The following HDAC9 variants were observed in gnomAD, a reference collection of about 807,000 sequenced individuals.
The protein encoded by HDAC9 is histone deacetylase 9, also known as MEF-2 interacting transcription repressor (MITR) protein.
In HDAC9, 41 loss-of-function variants were observed where a neutral mutation model predicts 139.4. That is an observed-to-expected ratio of 0.29 (90% CI 0.23 to 0.38). The LOEUF is 0.38. HDAC9 is among the 10% of genes least tolerant of loss of function. The probability of loss-of-function intolerance (pLI) is 1.00; values close to 1 mark genes in which losing one functional copy is unlikely to be tolerated. For missense variants in HDAC9, 1,147 were observed against 1,297.0 expected, an observed-to-expected ratio of 0.88 and a Z score of 1.78; for synonymous variants, 517 against 476.2, an observed-to-expected ratio of 1.09 and a Z score of -1.12.
intron 13 of HDAC9, among the ~76,000 whole-genome samples, chr7:18,745,821 C>T (rs1584961730): frequency 6.6e-6 from 1 of 151,084 alleles, no homozygotes; most frequent in Non-Finnish European, 1.5e-5. Flanking sequence ...GCTGGGATTA[C>T]AGGCGTGAGC....
intron 1 of HDAC9, among the ~76,000 whole-genome samples, chr7:18,126,684 T>G (rs1277458583): frequency 6.6e-6 from 1 of 152,184 alleles, no homozygotes; most frequent in African/African-American, 2.4e-5. Flanking sequence ...ATTTTTCAAT[T>G]TAGTTTATTG....
chr7:18,131,358 G>A (rs1206305452), intron 1 of HDAC9, among the ~76,000 whole-genome samples: 1 of 152,212 alleles, frequency 6.6e-6, no homozygotes, highest in South Asian at 2.1e-4. Flanking sequence ...TGGTTGTTGG[G>A]TAGATATCTG....
chr7:18,127,448 T>A, intron 1 of HDAC9: 1 of 168,688 alleles, frequency 5.9e-6, no homozygotes. Flanking sequence ...TCTGCTTCCC[T>A]GCTCCCTCTG....
At chr7:18,579,274 T>C (rs977269418) in intron 2 of HDAC9, among the ~76,000 whole-genome samples, 7 of 152,214 alleles carry the variant, frequency 4.6e-5, no homozygotes, top group Non-Finnish European at 8.8e-5. Context: ...TGAAATTTTG[T>C]ATAAGGGGTT....
At chr7:18,970,769 G>A (rs1784194394) in intron 24 of HDAC9, among the ~76,000 whole-genome samples, 1 of 151,878 alleles carries the variant, frequency 6.6e-6, no homozygotes, top group Admixed American at 6.6e-5. Flanking sequence ...AGAACCCGGT[G>A]TGTAAAGATG....
At chr7:18,524,752 T>C (rs1252534622) in intron 2 of HDAC9, among the ~76,000 whole-genome samples, 1 of 151,962 alleles carries the variant, frequency 6.6e-6, no homozygotes, top group East Asian at 1.9e-4. Context: ...ATATGAGTTA[T>C]ATAGCACTGC....
intron 22 of HDAC9, among the ~76,000 whole-genome samples, chr7:18,922,894 A>T (rs573747356): frequency 6.6e-6 from 1 of 152,208 alleles, no homozygotes; most frequent in South Asian, 2.1e-4. Flanking sequence ...AAAAATCGAC[A>T]AATGTCTAGA....
At chr7:18,658,252 A>G (rs377151336) in intron 11 of HDAC9, among the ~76,000 whole-genome samples, 16 of 152,140 alleles carry the variant, frequency 1.1e-4, no homozygotes, top group African/African-American at 3.9e-4. Context: ...TTCTTTTCCT[A>G]AGGCCTGGCA....
chr7:18,129,855 A>G (rs1340468695), intron 1 of HDAC9, among the ~76,000 whole-genome samples: 1 of 152,192 alleles, frequency 6.6e-6, no homozygotes, highest in Non-Finnish European at 1.5e-5. Flanking sequence ...TGGCAAAGTG[A>G]TATAAGTGTT....
chr7:18,163,700 C>T (rs1203452623), intron 2 of HDAC9, among the ~76,000 whole-genome samples: 1 of 152,088 alleles, frequency 6.6e-6, no homozygotes, highest in Non-Finnish European at 1.5e-5. Flanking sequence ...TACTATTATT[C>T]TTTCTGTTGG....
intron 1 of HDAC9, among the ~76,000 whole-genome samples, chr7:18,115,974 A>T (rs1783950854): frequency 1.3e-5 from 2 of 152,230 alleles, no homozygotes; most frequent in Admixed American, 1.3e-4. Context: ...TTACACGTTG[A>T]ATTGTATCTC....
At chr7:18,479,194 AT>A (rs1270099830) in intron 1 of HDAC9, among the ~76,000 whole-genome samples, 1 of 152,062 alleles carries the variant, frequency 6.6e-6, no homozygotes, top group Non-Finnish European at 1.5e-5. Flanking sequence ...TTACCTGAGA[AT>A]TTAAATGTAT....
chr7:18,483,828 A>G (rs1436696535), intron 1 of HDAC9, among the ~76,000 whole-genome samples: 6 of 152,164 alleles, frequency 3.9e-5, no homozygotes, highest in Non-Finnish European at 8.8e-5. Flanking sequence ...GACTGTCTAA[A>G]CATTGTGTTA....
chr7:18,847,605 C>G (rs1231336391), intron 21 of HDAC9, among the ~76,000 whole-genome samples: 1 of 152,170 alleles, frequency 6.6e-6, no homozygotes, highest in African/African-American at 2.4e-5. Flanking sequence ...AAAATTAAAT[C>G]CCAGCTTCTA....
chr7:18,296,458 C>T (rs1798156805), intron 1 of HDAC9, among the ~76,000 whole-genome samples: 1 of 151,790 alleles, frequency 6.6e-6, no homozygotes, highest in Non-Finnish European at 1.5e-5. Context: ...CTATAATAAA[C>T]TCTTAGATAC....
At position 18,648,453 on chromosome 7, in the gene HDAC9, T is replaced by C; in HGVS notation, c.1250-13T>C. The C allele has an allele frequency of 1.4e-6, 2 of 1,423,316 alleles. No individual in the cohort carries two copies. The highest frequency in any genetic ancestry group is 1.9e-6 in the Non-Finnish European group (2 of 1,026,886). The allele number at this position is 1,423,316 out of a possible 1,614,324, so 88.2% of individuals were successfully genotyped here. A position where few individuals can be genotyped will look rare whatever the true frequency, so the allele number is the denominator to read the frequency against. On this transcript the variant is annotated splice_polypyrimidine_tract_variant and intron_variant, in intron 10 of 25. Transcript: ENST00000686413. ...GTGTGTATACACACATATACATGTA[T>C]TTTTTTTTTCAGGTGGAGTTCCCTT... is the stretch of plus-strand genomic sequence containing the variant.
At chr7:18,745,691 C>T (rs1000450226) in intron 13 of HDAC9, among the ~76,000 whole-genome samples, 2 of 150,946 alleles carry the variant, frequency 1.3e-5, no homozygotes, top group Non-Finnish European at 3.0e-5. Context: ...GGACTACAGG[C>T]GCCCGCCACC....
chr7:18,978,083 GA>G (rs1474226069), intron 25 of HDAC9, among the ~76,000 whole-genome samples: 1 of 152,088 alleles, frequency 6.6e-6, no homozygotes, highest in Non-Finnish European at 1.5e-5. Flanking sequence ...TAAAGTGGCG[GA>G]AACGTTTCTG....
chr7:18,947,762 T>C (rs551449846), intron 23 of HDAC9, among the ~76,000 whole-genome samples: 24 of 151,962 alleles, frequency 1.6e-4, no homozygotes, highest in Non-Finnish European at 3.1e-4. Context: ...TTTTGAGGCC[T>C]ATGTGATACC....
Sources: gnomAD v4.1 joint callset for allele counts (sites outside exome capture counted in the v4.1 genomes callset) on GRCh38, gnomAD v4.1.1 for gene constraint, MANE v1.5 for transcripts, NCBI Gene and HGNC (gene_info 2026-07-23, HGNC 2026-07-21) for gene names.